The following DNM3 variants were observed in gnomAD, a reference collection of about 807,000 sequenced individuals.
DNM3 encodes the protein dynamin 3.
DNM3 carries 47 observed loss-of-function variants against 101.6 expected under a neutral mutation model. The ratio of observed to expected loss-of-function variants is 0.46; its 90% CI spans 0.37 to 0.59. The LOEUF (loss-of-function observed/expected upper bound fraction) is 0.59, where lower values mean the gene tolerates loss of function less well. Among genes scored for constraint, DNM3 ranks in the 20% least tolerant of loss-of-function variants. The probability of loss-of-function intolerance (pLI) is 0.00; values close to 1 mark genes in which losing one functional copy is unlikely to be tolerated. For missense variants in DNM3, 849 were observed against 1,085.7 expected (o/e 0.78, Z 3.06); for synonymous variants, 385 against 387.9 (o/e 0.99, Z 0.09).
intron 15 of DNM3, among the ~76,000 whole-genome samples, chr1:172,296,371 C>G (rs577533073): frequency 6.6e-6 from 1 of 152,204 alleles, no homozygotes; most frequent in Non-Finnish European, 1.5e-5. Context: ...GCTCAAAGGC[C>G]AAATGGTCTG....
At chr1:171,905,423 T>C (rs2038738347) in intron 1 of DNM3, among the ~76,000 whole-genome samples, 1 of 152,142 alleles carries the variant, frequency 6.6e-6, no homozygotes, top group Admixed American at 6.5e-5. Flanking sequence ...CACAGCTGGT[T>C]ATGAGAATTG....
intron 10 of DNM3, among the ~76,000 whole-genome samples, chr1:172,054,780 A>C (rs1038095323): frequency 3.9e-5 from 6 of 152,028 alleles, no homozygotes; most frequent in Non-Finnish European, 8.8e-5. Flanking sequence ...CCAACATGGT[A>C]AAACCCCATC....
At chr1:171,932,406 G>T (rs2125372751) in intron 2 of DNM3, among the ~76,000 whole-genome samples, 1 of 151,568 alleles carries the variant, frequency 6.6e-6, no homozygotes, top group Middle Eastern at 3.4e-3. Flanking sequence ...CAATTTACCT[G>T]CCTTGGCTTC....
intron 20 of DNM3, among the ~76,000 whole-genome samples, chr1:172,403,948 C>G (rs796949751): frequency 7.9e-5 from 12 of 152,268 alleles, no homozygotes; most frequent in African/African-American, 2.9e-4. Context: ...TGAACTTTAA[C>G]AGTAAACTTT....
intron 14 of DNM3, among the ~76,000 whole-genome samples, chr1:172,188,035 C>A (rs192453597): frequency 6.6e-6 from 1 of 151,934 alleles, no homozygotes; most frequent in Non-Finnish European, 1.5e-5. Context: ...CTACTAAGAA[C>A]AAAACTCAAT....
At chr1:172,324,776 G>A (rs1573473866) in intron 17 of DNM3, among the ~76,000 whole-genome samples, 1 of 152,082 alleles carries the variant, frequency 6.6e-6, no homozygotes, top group East Asian at 1.9e-4. Flanking sequence ...CACTTGCATT[G>A]CACTGAGTCT....
chr1:172,102,203 G>A (rs1385792230), intron 13 of DNM3, among the ~76,000 whole-genome samples: 2 of 152,130 alleles, frequency 1.3e-5, no homozygotes, highest in African/African-American at 4.8e-5. Flanking sequence ...TGAAAAGAAT[G>A]AGCTCGGCTT....
chr1:172,133,027 G>A (rs769387957), intron 14 of DNM3: 163 of 1,503,876 alleles, frequency 1.1e-4, no homozygotes, highest in Non-Finnish European at 1.4e-4. Context: ...TCCCAGAGAT[G>A]CCTGGAGTTG....
chr1:172,342,085 A>G (rs1296413316), intron 17 of DNM3, among the ~76,000 whole-genome samples: 1 of 152,218 alleles, frequency 6.6e-6, no homozygotes, highest in Non-Finnish European at 1.5e-5. Context: ...CAGTATGGCT[A>G]CTATTAAAAA....
At chr1:171,846,810 T>C (rs909050354) in intron 1 of DNM3, among the ~76,000 whole-genome samples, 1 of 152,208 alleles carries the variant, frequency 6.6e-6, no homozygotes, top group African/African-American at 2.4e-5. Context: ...GATTATGTCA[T>C]ACTAAATACA....
At chr1:172,253,397 A>G (rs1374432494) in intron 14 of DNM3, among the ~76,000 whole-genome samples, 176 bp from the exon 15 acceptor site, 2 of 152,154 alleles carry the variant, frequency 1.3e-5, no homozygotes, top group Non-Finnish European at 1.5e-5. Context: ...ATGTGATGAT[A>G]TTATCAAGAT....
chr1:172,225,750 C>A (rs2061093559), intron 14 of DNM3, among the ~76,000 whole-genome samples: 2 of 151,464 alleles, frequency 1.3e-5, no homozygotes, highest in African/African-American at 2.4e-5. Context: ...AGACCCTGTC[C>A]CAAAAAATAA....
At chr1:172,262,241 G>A (rs1456653358) in intron 15 of DNM3, among the ~76,000 whole-genome samples, 2 of 152,086 alleles carry the variant, frequency 1.3e-5, no homozygotes, top group Non-Finnish European at 2.9e-5. Flanking sequence ...TTGTCCTTGG[G>A]GGCATATGAA....
chr1:172,408,081 G>T lies in DNM3; in HGVS notation c.*240G>T. The T allele has an allele frequency of 7.5e-7, 1 of 1,340,710 alleles. No homozygotes were observed. The allele number at this position is 1,340,710 out of a possible 1,614,324, so 83.1% of individuals were successfully genotyped here. A position where few individuals can be genotyped will look rare whatever the true frequency, so the allele number is the denominator to read the frequency against. On this transcript the variant is annotated 3_prime_UTR_variant, in exon 21 of 21. Transcript: ENST00000627582. ...ATGTTGTACTGACCAAGGTAGGTTT[G>T]TATAGCAGCCCTATACTTTGGGGAT... is the stretch of plus-strand genomic sequence containing the variant.
chr1:172,327,743 G>A (rs2065998700), intron 17 of DNM3, among the ~76,000 whole-genome samples: 1 of 151,902 alleles, frequency 6.6e-6, no homozygotes, highest in Admixed American at 6.6e-5. Context: ...CCCACCACCT[G>A]GTTGACTAAA....
At chr1:172,069,139 T>C (rs1333296377) in intron 11 of DNM3, among the ~76,000 whole-genome samples, 1 of 152,240 alleles carries the variant, frequency 6.6e-6, no homozygotes, top group African/African-American at 2.4e-5. Flanking sequence ...AAGAATGAGA[T>C]GCAAAAGCAG....
At position 172,152,508 on chromosome 1, in the gene DNM3, C is replaced by T. The variant is rs142443112; in HGVS notation, c.1659+21220C>T. Among the ~76,000 whole-genome samples the T allele has an allele frequency of 2.5e-3, 383 of 152,058 alleles. 2 individuals are homozygous for T. The highest frequency in any genetic ancestry group is 8.5e-3 in the African/African-American group (352 of 41,460). On this transcript the variant is annotated intron_variant, in intron 14 of 20. Transcript: ENST00000627582. ...TATTGCTCACCCTGTGATTCTTATACGGGTTAGGTTGGATCTGATTTGAGG... is the reference window on the plus strand; with the variant it reads ...TATTGCTCACCCTGTGATTCTTATATGGGTTAGGTTGGATCTGATTTGAGG...
intron 15 of DNM3, among the ~76,000 whole-genome samples, chr1:172,280,727 G>C (rs1238916878): frequency 6.6e-5 from 10 of 152,062 alleles, no homozygotes. Flanking sequence ...AAGACAAAAA[G>C]AAAAACATTT....
At chr1:171,977,970 C>T (rs1226364311) in intron 2 of DNM3, among the ~76,000 whole-genome samples, 1 of 152,176 alleles carries the variant, frequency 6.6e-6, no homozygotes, top group Non-Finnish European at 1.5e-5. Context: ...ATTTCAAGCT[C>T]AGCATGTCAA....
Sources: gnomAD v4.1 joint callset for allele counts (sites outside exome capture counted in the v4.1 genomes callset) on GRCh38, gnomAD v4.1.1 for gene constraint, MANE v1.5 for transcripts, NCBI Gene and HGNC (gene_info 2026-07-23, HGNC 2026-07-21) for gene names.